Variants in SLC24A3 observed in about 807,000 individuals in gnomAD.
The protein encoded by SLC24A3 is sodium/potassium/calcium exchanger 3.
In SLC24A3, 28 loss-of-function variants were observed where a neutral mutation model predicts 75.8. The observed-to-expected ratio is 0.37, with a 90% CI of 0.27 to 0.51. SLC24A3 has a LOEUF of 0.51. Ranked by LOEUF, SLC24A3 falls within the 20% of genes least tolerant of loss-of-function variation. The pLI is 0.94. For missense variants in SLC24A3, 663 were observed against 847.8 expected, an observed-to-expected ratio of 0.78 and a Z score of 2.71; for synonymous variants, 372 against 334.1, an observed-to-expected ratio of 1.11 and a Z score of -1.24.
chr20:19,585,634 C>T, intron 6 of SLC24A3, 90 bp downstream of exon 6: 1 of 1,270,476 alleles, frequency 7.9e-7, no homozygotes, highest in Admixed American at 1.8e-5. Flanking sequence ...CTTGCTGGAA[C>T]ACAACTTGCA....
chr20:19,469,751 G>A lies in SLC24A3; in HGVS notation c.272-45737G>A, dbSNP rs73903112. On this transcript the variant is annotated intron_variant, in intron 2 of 16. Coordinates refer to ENST00000328041, the MANE Select transcript of SLC24A3 (RefSeq NM_020689.4). ...TTCCATGATGTTACATGTCTGGGTCGGGGAAGAGTGGCCTGAGGTCTCTAT... is the reference window on the plus strand; with the variant it reads ...TTCCATGATGTTACATGTCTGGGTCAGGGAAGAGTGGCCTGAGGTCTCTAT... 4.6e-5 allele frequency among the ~76,000 whole-genome samples: 7 copies of A among 152,094 alleles called. No homozygotes were observed. The East Asian group carries it at 5.8e-4, about 13-fold the overall frequency.
At chr20:19,456,472 G>A (rs1227946370) in intron 2 of SLC24A3, among the ~76,000 whole-genome samples, 3 of 152,152 alleles carry the variant, frequency 2.0e-5, no homozygotes, top group Non-Finnish European at 2.9e-5. Flanking sequence ...CATGTAAGAC[G>A]GGACTTGCTC....
chr20:19,340,183 T>G (rs1985236379), intron 2 of SLC24A3, among the ~76,000 whole-genome samples: 1 of 152,216 alleles, frequency 6.6e-6, no homozygotes, highest in Non-Finnish European at 1.5e-5. Context: ...TAAAATGAGT[T>G]TATTAGTATC....
intron 2 of SLC24A3, among the ~76,000 whole-genome samples, chr20:19,511,931 G>C (rs2029893029): frequency 6.6e-6 from 1 of 152,152 alleles, no homozygotes; most frequent in Non-Finnish European, 1.5e-5. Flanking sequence ...TTGAAGAACA[G>C]TGGTTCAAAA....
intron 2 of SLC24A3, among the ~76,000 whole-genome samples, chr20:19,433,676 C>A (rs1192685231): frequency 6.6e-6 from 1 of 152,024 alleles, no homozygotes; most frequent in Non-Finnish European, 1.5e-5. Flanking sequence ...TATGGTAAGA[C>A]CAACAAATTA....
At chr20:19,230,556 T>G (rs1188177129) in intron 1 of SLC24A3, among the ~76,000 whole-genome samples, 1 of 151,720 alleles carries the variant, frequency 6.6e-6, no homozygotes, top group East Asian at 1.9e-4. Flanking sequence ...CTTTTGCTTC[T>G]TTGCCTAGTT....
At chr20:19,617,850 G>A (rs538414181) in intron 6 of SLC24A3, among the ~76,000 whole-genome samples, 1 of 152,068 alleles carries the variant, frequency 6.6e-6, no homozygotes, top group East Asian at 1.9e-4. Flanking sequence ...CAGACGAGGC[G>A]GCATGTTACA....
intron 2 of SLC24A3, chr20:19,284,099 C>T (rs1983741289): frequency 6.5e-6 from 1 of 153,062 alleles, no homozygotes; most frequent in Admixed American, 6.5e-5. Context: ...AGGATCAGAA[C>T]ATTGCCACAG....
intron 2 of SLC24A3, among the ~76,000 whole-genome samples, chr20:19,418,605 A>G (rs1042577735): frequency 2.8e-4 from 42 of 152,010 alleles, no homozygotes; most frequent in African/African-American, 9.6e-4. Context: ...TATCCAGCTC[A>G]TAAATATGAG....
intron 2 of SLC24A3, among the ~76,000 whole-genome samples, chr20:19,470,450 C>T (rs6075515): frequency 0.45 from 69,025 of 151,994 alleles, 17,325 homozygotes; most frequent in Non-Finnish European, 0.55. Flanking sequence ...GTGTTCTTCT[C>T]TCTCCCAAGT....
chr20:19,695,024 C>G (rs919342217), intron 13 of SLC24A3: 3 of 152,318 alleles, frequency 2.0e-5, no homozygotes, highest in African/African-American at 7.2e-5. Context: ...CTGCAGCTCA[C>G]TTTCCTCCCT....
intron 2 of SLC24A3, among the ~76,000 whole-genome samples, chr20:19,406,779 C>T (rs1027030912): frequency 6.6e-6 from 1 of 152,204 alleles, no homozygotes; most frequent in South Asian, 2.1e-4. Flanking sequence ...TAGAATGAGA[C>T]AGTGCCATGA....
intron 2 of SLC24A3, among the ~76,000 whole-genome samples, chr20:19,316,393 A>G (rs1984587147): frequency 6.6e-6 from 1 of 152,214 alleles, no homozygotes; most frequent in African/African-American, 2.4e-5. Flanking sequence ...CGTGTCCTGC[A>G]GCCACTGGGT....
At chr20:19,586,640 C>G (rs1057463282) in intron 6 of SLC24A3, among the ~76,000 whole-genome samples, 1 of 152,174 alleles carries the variant, frequency 6.6e-6, no homozygotes, top group Non-Finnish European at 1.5e-5. Flanking sequence ...CCGGGTCCAC[C>G]ATTGCATTCT....
At chr20:19,698,980 C>A (rs2032842435) in intron 15 of SLC24A3, among the ~76,000 whole-genome samples, 1 of 152,130 alleles carries the variant, frequency 6.6e-6, no homozygotes, top group Admixed American at 6.5e-5. Flanking sequence ...AGAAAAACGG[C>A]CATAGACAAT....
chr20:19,408,376 TG>T (rs550743661), intron 2 of SLC24A3, among the ~76,000 whole-genome samples: 60 of 151,948 alleles, frequency 3.9e-4, no homozygotes, highest in African/African-American at 1.3e-3. Flanking sequence ...GGTTTATTTT[TG>T]ACATTAAAAA....
chr20:19,522,122 C>CT (rs921810454), intron 3 of SLC24A3, among the ~76,000 whole-genome samples: 12 of 152,044 alleles, frequency 7.9e-5, no homozygotes, highest in Non-Finnish European at 1.2e-4. Flanking sequence ...GAGGAGCTAA[C>CT]TTTTTTTTAA....
At position 19,267,799 on chromosome 20, in the gene SLC24A3, G is replaced by A. The variant is rs545757626; in HGVS notation, c.143-13160G>A. ...CTGGTTGTTAAAAAGTCACCTTGAG[G>A]GATGTGGAGCGAGGGCAGACATGGG... is the stretch of plus-strand genomic sequence containing the variant. On this transcript the variant is annotated intron_variant, in intron 1 of 16. Transcript: ENST00000328041. 2.6e-5 allele frequency among the ~76,000 whole-genome samples: 4 copies of A among 152,230 alleles called. No individual in the cohort carries two copies. In the East Asian group the frequency reaches 7.7e-4, roughly 29 times the overall value.
chr20:19,676,608 C>T (rs1012636194), intron 9 of SLC24A3, among the ~76,000 whole-genome samples: 3 of 152,126 alleles, frequency 2.0e-5, no homozygotes, highest in African/African-American at 7.2e-5. Flanking sequence ...TATAAAACAG[C>T]AACAGTAGTT....
Sources: allele counts gnomAD v4.1 joint callset (sites outside exome capture counted in the v4.1 genomes callset), GRCh38; gene constraint gnomAD v4.1.1; transcripts MANE v1.5; gene names NCBI Gene and HGNC (gene_info 2026-07-23, HGNC 2026-07-21).